Variants in FLRT1 observed in about 807,000 individuals in gnomAD.
The protein encoded by FLRT1 is leucine-rich repeat transmembrane protein FLRT1.
Under a neutral mutation model 30.9 loss-of-function variants are expected in FLRT1, and 14 were observed. That is an observed-to-expected ratio of 0.45 (90% CI 0.30 to 0.71). The LOEUF (loss-of-function observed/expected upper bound fraction) is 0.71. Ranked by LOEUF, FLRT1 falls within the 30% of genes least tolerant of loss-of-function variation. FLRT1 has a pLI of 0.08. For missense variants in FLRT1, 737 were observed against 949.2 expected, an observed-to-expected ratio of 0.78 and a Z score of 2.94; for synonymous variants, 368 against 430.4, an observed-to-expected ratio of 0.85 and a Z score of 1.80.
chr11:64,099,870 TGGAG>T (rs1489712569), intron 1 of FLRT1, among the ~76,000 whole-genome samples: 1 of 149,918 alleles, frequency 6.7e-6, no homozygotes, highest in Non-Finnish European at 1.5e-5. Flanking sequence ...AATGGTGAGA[TGGAG>T]GGATCGAGAA....
At chr11:64,045,448 C>T (rs927141050) in intron 1 of FLRT1, among the ~76,000 whole-genome samples, 19 of 152,200 alleles carry the variant, frequency 1.2e-4, no homozygotes, top group African/African-American at 4.1e-4. Flanking sequence ...GAGGAAATGT[C>T]ATTATTTACT....
intron 1 of FLRT1, among the ~76,000 whole-genome samples, chr11:64,095,722 A>G (rs578191330): frequency 8.5e-5 from 13 of 152,338 alleles, no homozygotes; most frequent in South Asian, 2.1e-4. Context: ...TAGATGCAGC[A>G]GGCGGAGGGA....
intron 1 of FLRT1, among the ~76,000 whole-genome samples, chr11:64,083,906 C>T (rs1401643904): frequency 1.3e-5 from 2 of 152,184 alleles, no homozygotes; most frequent in Admixed American, 6.5e-5. Context: ...GGCGGGCGTG[C>T]GGCCGGCCCC....
In FLRT1 at chr11:64,079,252, G is replaced by A. The variant is rs187449759; in HGVS notation, c.-1037-23942G>A. Among the ~76,000 whole-genome samples, 333 of 152,204 alleles carry A rather than the reference G, an allele frequency of 2.2e-3. 5 individuals are homozygous for A. In the Middle Eastern group the frequency reaches 0.037, roughly 17 times the overall value. ...TTCCTGCTCTGGCATGTGGCTTGAG[G>A]GGTCACAGGGGCTCCCACCTGTGCT... is the stretch of plus-strand genomic sequence containing the variant. On this transcript the variant is annotated intron_variant, in intron 1 of 2. Transcript: ENST00000682287.
chr11:64,112,747 G>A (rs1944885211), intron 2 of FLRT1, among the ~76,000 whole-genome samples: 1 of 152,170 alleles, frequency 6.6e-6, no homozygotes, highest in East Asian at 1.9e-4. Flanking sequence ...GGGGGTGCCT[G>A]GCTGCTGCAG....
intron 1 of FLRT1, among the ~76,000 whole-genome samples, chr11:64,069,832 T>G (rs1227471771): frequency 6.6e-6 from 1 of 152,144 alleles, no homozygotes. Context: ...TCGACAGTCA[T>G]TAAGTCTTTA....
intron 1 of FLRT1, among the ~76,000 whole-genome samples, chr11:64,088,152 T>C (rs908019582): frequency 1.3e-5 from 2 of 152,008 alleles, no homozygotes; most frequent in Non-Finnish European, 2.9e-5. Flanking sequence ...TCTGCAAAAA[T>C]AAAGTTGAAC....
Position 64,049,935 on chromosome 11 carries a change from A to C in FLRT1, c.-1038+13776A>C, listed in dbSNP as rs537187863. ...GCTGTGGCCCCGGGGGGGAGGCCAAACCTCTCTCAGAGCCCTCTTGGCCTA... is the reference window on the plus strand; with the variant it reads ...GCTGTGGCCCCGGGGGGGAGGCCAACCCTCTCTCAGAGCCCTCTTGGCCTA... On this transcript the variant is annotated intron_variant, in intron 1 of 2. Coordinates refer to ENST00000682287, the MANE Select transcript of FLRT1 (RefSeq NM_013280.5). Among the ~76,000 whole-genome samples, 6 of 152,190 alleles carry C rather than the reference A, an allele frequency of 3.9e-5. No individual in the cohort carries two copies. The East Asian group carries it at 1.2e-3, about 29-fold the overall frequency.
At chr11:64,057,624 TG>T (rs1369635275) in intron 1 of FLRT1, among the ~76,000 whole-genome samples, 2 of 152,212 alleles carry the variant, frequency 1.3e-5, no homozygotes, top group African/African-American at 4.8e-5. Flanking sequence ...CCCAAGGGCC[TG>T]GACCCCTTGA....
At chr11:64,042,303 C>G (rs552542491) in intron 1 of FLRT1, among the ~76,000 whole-genome samples, 1 of 152,036 alleles carries the variant, frequency 6.6e-6, no homozygotes, top group Non-Finnish European at 1.5e-5. Context: ...GAAGCTGCCA[C>G]GAGGAAGGGG....
In FLRT1 at chr11:64,067,481, A is replaced by G. The variant is rs997078188; in HGVS notation, c.-1038+31322A>G. The stretch of plus-strand genomic sequence containing the variant: ...ACGCCCAGCTCAGATAACAGAAGGG[A>G]GGAGATAGGTCGGGGACGGGGACAG... On this transcript the variant is annotated intron_variant, in intron 1 of 2. Coordinates refer to ENST00000682287, the MANE Select transcript of FLRT1 (RefSeq NM_013280.5). The surrounding 1 kb of genome is among the most constrained non-coding windows in gnomAD (Gnocchi z 4.6). Among the ~76,000 whole-genome samples, 7 of 151,996 alleles carry G rather than the reference A, an allele frequency of 4.6e-5. No individual in the cohort carries two copies. Among genetic ancestry groups the G allele is most frequent in the Non-Finnish European group, 8.8e-5 (6 of 67,956 alleles).
At chr11:64,052,704 G>T (rs977341145) in intron 1 of FLRT1, among the ~76,000 whole-genome samples, 1 of 152,254 alleles carries the variant, frequency 6.6e-6, no homozygotes, top group Non-Finnish European at 1.5e-5. Flanking sequence ...GGCGCTTAGA[G>T]AAGCCAAGTA....
chr11:64,062,295 C>CAGTG (rs992229717), intron 1 of FLRT1, among the ~76,000 whole-genome samples: 24 of 152,246 alleles, frequency 1.6e-4, no homozygotes, highest in African/African-American at 4.3e-4. Flanking sequence ...ATGCATCTAT[C>CAGTG]AGTGAGTGAG....
chr11:64,061,904 G>A (rs1178675205), intron 1 of FLRT1, among the ~76,000 whole-genome samples: 1 of 136,820 alleles, frequency 7.3e-6, no homozygotes, highest in African/African-American at 3.0e-5. Context: ...TTGTAGAGAC[G>A]GAGTCTTGCT....
chr11:64,067,216 G>C lies in FLRT1; in HGVS notation c.-1038+31057G>C, dbSNP rs2058550230. On this transcript the variant is annotated intron_variant, in intron 1 of 2. Coordinates refer to ENST00000682287, the MANE Select transcript of FLRT1 (RefSeq NM_013280.5). The surrounding 1 kb of genome is among the most constrained non-coding windows in gnomAD (Gnocchi z 4.6). ...CTCCAAGGAGATGGCAGATGGGAGG[G>C]GTGGGGAGAGGCCTTGCATGGCACC... Among the ~76,000 whole-genome samples the C allele has an allele frequency of 6.6e-6, 1 of 152,112 alleles. No individual in the cohort carries two copies. The highest frequency in any genetic ancestry group is 6.5e-5 in the Admixed American group (1 of 15,284).
At position 64,117,494 on chromosome 11, in the gene FLRT1, G is replaced by A. The variant is rs1945011258; in HGVS notation, c.1227G>A (p.Leu409=). The change falls in exon 3 of 3, where the codon CTG becomes CTA. Residue 409 remains leucine, a synonymous_variant. Coordinates refer to ENST00000682287, the MANE Select transcript of FLRT1 (RefSeq NM_013280.5). Reference sequence around the variant, plus strand: ...CTGCCACCACGCCCCAGGGTTCCCTGTTTACCCTCAAGGCCAAAAGGCCAG... The same window carrying A: ...CTGCCACCACGCCCCAGGGTTCCCTATTTACCCTCAAGGCCAAAAGGCCAG... The part of the protein sequence containing the change: ...HASATTPQGS[L]FTLKAKRPGL... The A allele has an allele frequency of 6.2e-7, 1 of 1,611,266 alleles. No homozygotes were observed. Among genetic ancestry groups the A allele is most frequent in the South Asian group, 1.1e-5 (1 of 90,914 alleles).
At chr11:64,087,320 C>T (rs945360182) in intron 1 of FLRT1, 3 of 152,388 alleles carry the variant, frequency 2.0e-5, no homozygotes, top group African/African-American at 7.2e-5. Context: ...GGAACAGGGT[C>T]CGCCACCCAG....
intron 1 of FLRT1, among the ~76,000 whole-genome samples, chr11:64,049,650 G>C (rs541021721): frequency 1.5e-4 from 23 of 152,350 alleles, no homozygotes; most frequent in Admixed American, 1.2e-3. Flanking sequence ...CCTGCTGAAG[G>C]GGGTGGACGC....
intron 1 of FLRT1, among the ~76,000 whole-genome samples, chr11:64,069,960 A>G (rs1944076751): frequency 1.3e-5 from 2 of 152,036 alleles, no homozygotes; most frequent in South Asian, 4.2e-4. Flanking sequence ...AGTGGGATCA[A>G]TGTCCCTCTG....
Sources: allele counts gnomAD v4.1 joint callset (sites outside exome capture counted in the v4.1 genomes callset), GRCh38; gene constraint gnomAD v4.1.1; non-coding constraint Gnocchi (gnomAD v3.1); transcripts MANE v1.5; gene names NCBI Gene and HGNC (gene_info 2026-07-23, HGNC 2026-07-21).